LRRC40: variants seen among roughly 807,000 people sequenced by gnomAD.
LRRC40 encodes leucine-rich repeat-containing protein 40.
In LRRC40, 76 loss-of-function variants were observed where a neutral mutation model predicts 72.8. That is an observed-to-expected ratio of 1.04 (90% CI 0.87 to 1.26). The LOEUF is 1.26. Among genes scored for constraint, LRRC40 ranks in the 50% most tolerant of loss-of-function variants. The pLI, the probability that LRRC40 is intolerant of heterozygous loss-of-function variation, is 0.00. For synonymous variants in LRRC40, 243 were observed against 254.2 expected (o/e 0.96, Z 0.42); for missense variants, 684 against 698.9 (o/e 0.98, Z 0.24).
At chr1:70,161,548 CAAA>C (rs59986416) in intron 9 of LRRC40, among the ~76,000 whole-genome samples, 10 of 118,114 alleles carry the variant, frequency 8.5e-5, no homozygotes, top group Admixed American at 1.7e-4. Flanking sequence ...GGCTCCCTCT[CAAA>C]AAAAAAAAAA....
intron 6 of LRRC40, among the ~76,000 whole-genome samples, chr1:70,176,392 C>T (rs1429625083): frequency 2.6e-5 from 4 of 151,774 alleles, no homozygotes; most frequent in South Asian, 2.1e-4. Flanking sequence ...ATTAGCCAGG[C>T]GTGGTGGAGC....
At chr1:70,194,330 G>T (rs1025848491) in intron 1 of LRRC40, among the ~76,000 whole-genome samples, 1 of 151,834 alleles carries the variant, frequency 6.6e-6, no homozygotes, top group African/African-American at 2.4e-5. Flanking sequence ...AATGTTAAAA[G>T]ATTTACAATA....
chr1:70,179,247 C>T (rs1020357293), intron 5 of LRRC40, among the ~76,000 whole-genome samples: 4 of 151,950 alleles, frequency 2.6e-5, no homozygotes, highest in African/African-American at 7.3e-5. Flanking sequence ...TTGGGAGGCC[C>T]GAGGTGGGCG....
chr1:70,173,579 T>G, intron 8 of LRRC40, 43 bp downstream of exon 8: 1 of 1,487,808 alleles, frequency 6.7e-7, no homozygotes. Context: ...CATATATGTC[T>G]GAATTTCAAT....
At position 70,187,275 on chromosome 1, in the gene LRRC40, G is replaced by A; in HGVS notation, c.397C>T (p.Leu133Phe). The change falls in exon 3 of 15, where the codon CTT (leucine) becomes TTT (phenylalanine). Residue 133 changes from leucine (L) to phenylalanine (F), a missense_variant. Leu to Phe is a conservative substitution (Grantham distance 22, BLOSUM62 0). Transcript: ENST00000370952. ...AAGCTTAATTTTTACCTGACATTAA[G>A]TTTCTGAAGATTTTCTAGCTCTCTT... ...AIRELENLQK[L>F]NVSHNKLKIL... 6.4e-7 allele frequency: 1 copy of A among 1,556,124 alleles called. No individual in the cohort carries two copies. Among genetic ancestry groups the A allele is most frequent in the Non-Finnish European group, 8.9e-7 (1 of 1,129,852 alleles).
intron 13 of LRRC40, among the ~76,000 whole-genome samples, chr1:70,150,871 T>C (rs922064463): frequency 4.6e-5 from 7 of 152,348 alleles, no homozygotes; most frequent in Middle Eastern, 3.4e-3. Context: ...ATTAGAGCAA[T>C]TGTAATTATT....
chr1:70,178,955 T>A lies in LRRC40; in HGVS notation c.700A>T (p.Thr234Ser), dbSNP rs143480102. 76 of 1,600,574 alleles carry A rather than the reference T, an allele frequency of 4.7e-5. No homozygotes were observed. Among genetic ancestry groups the A allele is most frequent in the Non-Finnish European group, 6.0e-5 (70 of 1,171,544 alleles). The change falls in exon 6 of 15, where the codon ACT becomes TCT. Residue 234 changes from threonine (T) to serine (S), a missense_variant. Thr to Ser is a moderately conservative substitution (Grantham distance 58, BLOSUM62 1). Transcript: ENST00000370952. ...HLDCNSNLLE[T>S]IPPELAGMES... ...ATGCCAGCCAATTCAGGAGGTATAG[T>A]TTCCAAGAGATTTGAATTACAATCC...
At chr1:70,193,315 C>G (rs1668540383) in intron 1 of LRRC40, among the ~76,000 whole-genome samples, 1 of 151,690 alleles carries the variant, frequency 6.6e-6, no homozygotes, top group Non-Finnish European at 1.5e-5. Flanking sequence ...ATAGATCCCA[C>G]AGATGTTAAA....
chr1:70,179,388 G>C (rs536934412), intron 5 of LRRC40, among the ~76,000 whole-genome samples: 1 of 152,204 alleles, frequency 6.6e-6, no homozygotes, highest in African/African-American at 2.4e-5. Context: ...TTGGGAGGTT[G>C]AGGCAGGAAG....
chr1:70,151,211 T>C lies in LRRC40; in HGVS notation c.1440-6A>G, dbSNP rs1450962253. 4.8e-6 allele frequency: 7 copies of C among 1,467,500 alleles called. No homozygotes were observed. Among genetic ancestry groups the C allele is most frequent in the South Asian group, 4.6e-5 (4 of 86,668 alleles). 90.9% of individuals were successfully genotyped at this position (1,467,500 alleles called of 1,614,324 possible). A position where few individuals can be genotyped will look rare whatever the true frequency, so the allele number is the denominator to read the frequency against. On this transcript the variant is annotated splice_region_variant and splice_polypyrimidine_tract_variant and intron_variant, in intron 12 of 14. Transcript: ENST00000370952. ...AAGAATTTAAAAAATTGTTCCTAAA[T>C]TGGAAATCAAAACAGAAGATTTACA...
intron 11 of LRRC40, among the ~76,000 whole-genome samples, chr1:70,154,832 T>C (rs534246301): frequency 6.6e-6 from 1 of 152,280 alleles, no homozygotes; most frequent in South Asian, 2.1e-4. Context: ...TTATGTCATT[T>C]AGTTTAATTC....
rs746008301 is a variant in LRRC40, at chr1:70,144,850, A to C, written c.*950T>G. 4 of 152,160 alleles carry C rather than the reference A, an allele frequency of 2.6e-5. No homozygotes were observed. The highest frequency in any genetic ancestry group is 4.4e-5 in the Non-Finnish European group (3 of 68,024). The allele number at this position is 152,160 out of a possible 1,614,324, so 9.4% of individuals were successfully genotyped here. A position where few individuals can be genotyped will look rare whatever the true frequency, so the allele number is the denominator to read the frequency against. On this transcript the variant is annotated 3_prime_UTR_variant, in exon 15 of 15. Coordinates refer to ENST00000370952, the MANE Select transcript of LRRC40 (RefSeq NM_017768.5). ...CTTTTATTCTGAACATGTAGTATTT[A>C]TCTTTATTAGCAATTTTTTTCATAA... is the stretch of plus-strand genomic sequence containing the variant.
At chr1:70,163,360 T>TA (rs1558114785) in intron 9 of LRRC40, among the ~76,000 whole-genome samples, 1 of 152,158 alleles carries the variant, frequency 6.6e-6, no homozygotes, top group Non-Finnish European at 1.5e-5. Flanking sequence ...GTGCTGGGAT[T>TA]ACAGTCGTAA....
At chr1:70,172,956 G>A (rs1352942859) in intron 9 of LRRC40, among the ~76,000 whole-genome samples, 2 of 151,512 alleles carry the variant, frequency 1.3e-5, no homozygotes, top group African/African-American at 4.8e-5. Flanking sequence ...TTGGGTATAT[G>A]ACATGTTTAG....
chr1:70,192,946 C>T (rs1183762619), intron 1 of LRRC40, among the ~76,000 whole-genome samples: 4 of 151,838 alleles, frequency 2.6e-5, no homozygotes, highest in African/African-American at 4.8e-5. Context: ...AACCTACACA[C>T]GTACCCTTGA....
chr1:70,173,166 A>G (rs894757696), intron 9 of LRRC40, among the ~76,000 whole-genome samples: 1 of 151,900 alleles, frequency 6.6e-6, no homozygotes, highest in Non-Finnish European at 1.5e-5. Context: ...GTCAAGTTTT[A>G]CTCCTTTTTC....
intron 4 of LRRC40, among the ~76,000 whole-genome samples, chr1:70,184,495 A>G (rs1668317496): frequency 6.6e-6 from 1 of 152,180 alleles, no homozygotes; most frequent in Admixed American, 6.5e-5. Context: ...GCTAAAGACA[A>G]CTTTCCTCTA....
intron 9 of LRRC40, among the ~76,000 whole-genome samples, chr1:70,166,986 T>A (rs998632246): frequency 6.6e-6 from 1 of 151,752 alleles, no homozygotes; most frequent in Admixed American, 6.6e-5. Flanking sequence ...AAAAGAGCTA[T>A]GAAAAACTGA....
At position 70,202,966 on chromosome 1, in the gene LRRC40, C is replaced by G. The variant is rs548149796; in HGVS notation, c.151+2424G>C. ...AGTGCAATGGCACAATCACAGCACC[C>G]ACTGCAGCCTCCAACTCAGGCTCAA... On this transcript the variant is annotated intron_variant, in intron 1 of 14. Coordinates refer to ENST00000370952, the MANE Select transcript of LRRC40 (RefSeq NM_017768.5). 1.1e-4 allele frequency among the ~76,000 whole-genome samples: 17 copies of G among 152,296 alleles called. No individual in the cohort carries two copies. The South Asian group carries it at 3.3e-3, about 30-fold the overall frequency.
Sources: allele counts gnomAD v4.1 joint callset (sites outside exome capture counted in the v4.1 genomes callset), GRCh38; gene constraint gnomAD v4.1.1; transcripts MANE v1.5; gene names NCBI Gene and HGNC (gene_info 2026-07-23, HGNC 2026-07-21).